Variants in MYO9A observed in about 807,000 individuals in gnomAD.
MYO9A encodes unconventional myosin-IXa.
MYO9A carries 103 observed loss-of-function variants against 293.3 expected under a neutral mutation model. The observed-to-expected ratio is 0.35, with a 90% CI of 0.30 to 0.41. The LOEUF (loss-of-function observed/expected upper bound fraction) is 0.41. Among genes scored for constraint, MYO9A ranks in the 10% least tolerant of loss-of-function variants. The pLI, the probability that MYO9A is intolerant of heterozygous loss-of-function variation, is 1.00. For synonymous variants in MYO9A, 1,001 were observed against 1,035.7 expected, an observed-to-expected ratio of 0.97 and a Z score of 0.64; for missense variants, 2,685 against 3,033.0, an observed-to-expected ratio of 0.89 and a Z score of 2.69.
intron 1 of MYO9A, among the ~76,000 whole-genome samples, chr15:72,091,176 A>C (rs1424832274): frequency 6.6e-6 from 1 of 151,336 alleles, no homozygotes; most frequent in Admixed American, 6.6e-5. Flanking sequence ...CACAGCCTGC[A>C]TAACAGAGTA....
At chr15:72,105,333 C>G (rs1226777555) in intron 1 of MYO9A, among the ~76,000 whole-genome samples, 1 of 151,950 alleles carries the variant, frequency 6.6e-6, no homozygotes, top group Non-Finnish European at 1.5e-5. Flanking sequence ...AAGTGATCCT[C>G]CCATGTCAGC....
intron 1 of MYO9A, among the ~76,000 whole-genome samples, chr15:72,057,682 T>C (rs1402905421): frequency 1.3e-5 from 2 of 152,236 alleles, no homozygotes; most frequent in African/African-American, 2.4e-5. Flanking sequence ...CCAGGGCCGC[T>C]AAGCTAGAAA....
chr15:71,918,782 T>G (rs1453992525), intron 18 of MYO9A, among the ~76,000 whole-genome samples: 1 of 152,212 alleles, frequency 6.6e-6, no homozygotes, highest in Non-Finnish European at 1.5e-5. Flanking sequence ...TAAATTGTTT[T>G]TCACTATGAA....
At chr15:71,865,155 T>C (rs545249758) in intron 32 of MYO9A, among the ~76,000 whole-genome samples, 7 of 152,208 alleles carry the variant, frequency 4.6e-5, no homozygotes, top group Non-Finnish European at 1.0e-4. Context: ...CTGACCTCAT[T>C]AGAAAACTTG....
At chr15:72,038,942 C>T (rs1232834125) in intron 2 of MYO9A, among the ~76,000 whole-genome samples, 1 of 151,840 alleles carries the variant, frequency 6.6e-6, no homozygotes, top group African/African-American at 2.4e-5. Context: ...AAAATATATA[C>T]ATAATCTATA....
At chr15:71,841,072 A>G (rs939852479) in intron 39 of MYO9A, among the ~76,000 whole-genome samples, 4 of 152,256 alleles carry the variant, frequency 2.6e-5, no homozygotes, top group Admixed American at 6.5e-5. Flanking sequence ...GATTGTTTGC[A>G]TAAGTAAAAT....
At chr15:71,933,249 A>T (rs938805229) in intron 18 of MYO9A, among the ~76,000 whole-genome samples, 1 of 152,190 alleles carries the variant, frequency 6.6e-6, no homozygotes, top group African/African-American at 2.4e-5. Flanking sequence ...CATAAGCCTG[A>T]AAAGACAATG....
At position 71,825,120 on chromosome 15, in the gene MYO9A, A is replaced by AT. The variant is rs200286105; in HGVS notation, c.*1459dup. The AT allele has an allele frequency of 5.9e-5, 9 of 152,214 alleles. No individual in the cohort carries two copies. Among genetic ancestry groups the AT allele is most frequent in the African/African-American group, 9.6e-5 (4 of 41,456 alleles). The allele number at this position is 152,214 out of a possible 1,614,324, so 9.4% of individuals were successfully genotyped here. A position where few individuals can be genotyped will look rare whatever the true frequency, so the allele number is the denominator to read the frequency against. On this transcript the variant is annotated 3_prime_UTR_variant, in exon 42 of 42. Coordinates refer to ENST00000356056, the MANE Select transcript of MYO9A (RefSeq NM_006901.4). ...ATCTCAAGAAAGGCTATCATGTTTC[A>AT]TTTTTTATATATTATAAATAGCAAA...
intron 1 of MYO9A, among the ~76,000 whole-genome samples, chr15:72,077,024 T>C (rs1321889655): frequency 1.2e-5 from 1 of 82,750 alleles, no homozygotes; most frequent in Non-Finnish European, 3.1e-5. Flanking sequence ...GACAACTACA[T>C]CCAAAAAAAA....
chr15:71,989,643 C>A (rs1163564229), intron 11 of MYO9A, among the ~76,000 whole-genome samples: 1 of 152,038 alleles, frequency 6.6e-6, no homozygotes, highest in Non-Finnish European at 1.5e-5. Flanking sequence ...TTTCCAAACC[C>A]CTGTGTGAAA....
At chr15:71,902,182 C>A (rs2057505176) in intron 22 of MYO9A, among the ~76,000 whole-genome samples, 1 of 151,756 alleles carries the variant, frequency 6.6e-6, no homozygotes, top group African/African-American at 2.4e-5. Context: ...TAAAGGCATG[C>A]ACAGGAGACA....
intron 1 of MYO9A, among the ~76,000 whole-genome samples, chr15:72,091,004 A>T (rs745750805): frequency 8.8e-5 from 13 of 147,544 alleles, no homozygotes; most frequent in Non-Finnish European, 1.5e-4. Context: ...AAAAAATAAA[A>T]AAATAAAAAA....
chr15:72,014,539 A>G (rs1359698883), intron 6 of MYO9A, among the ~76,000 whole-genome samples: 1 of 152,094 alleles, frequency 6.6e-6, no homozygotes, highest in East Asian at 1.9e-4. Flanking sequence ...TACAAAAATT[A>G]GCCAGGCGTG....
intron 15 of MYO9A, among the ~76,000 whole-genome samples, chr15:71,940,080 T>C (rs540442373): frequency 7.5e-4 from 114 of 152,080 alleles, no homozygotes; most frequent in African/African-American, 2.6e-3. Context: ...AAAAAATACA[T>C]GTAAGTGCTT....
chr15:72,091,451 T>C (rs903529099), intron 1 of MYO9A, among the ~76,000 whole-genome samples: 3 of 152,210 alleles, frequency 2.0e-5, no homozygotes, highest in African/African-American at 7.2e-5. Flanking sequence ...GTAGAAATCC[T>C]TAAGACTACA....
chr15:71,941,454 A>G (rs898252401), intron 15 of MYO9A, among the ~76,000 whole-genome samples: 1 of 152,158 alleles, frequency 6.6e-6, no homozygotes, highest in African/African-American at 2.4e-5. Context: ...AACAACAACA[A>G]CAACAAACCC....
At chr15:72,090,592 T>A (rs1036371494) in intron 1 of MYO9A, among the ~76,000 whole-genome samples, 2 of 152,188 alleles carry the variant, frequency 1.3e-5, no homozygotes, top group African/African-American at 4.8e-5. Flanking sequence ...CCTAGGGGAC[T>A]CTCATATAAG....
In MYO9A at chr15:71,825,985, G is replaced by C. The variant is rs562761200; in HGVS notation, c.*595C>G. ...TGATGGCTTAATGGAAACAATCACGGTTTTTTTTTGTTTTTTTTTTTTTGT... is the reference window on the plus strand; with the variant it reads ...TGATGGCTTAATGGAAACAATCACGCTTTTTTTTTGTTTTTTTTTTTTTGT... On this transcript the variant is annotated 3_prime_UTR_variant, in exon 42 of 42. Transcript: ENST00000356056. 1.1e-4 allele frequency: 13 copies of C among 117,724 alleles called. No individual in the cohort carries two copies. Among genetic ancestry groups the C allele is most frequent in the African/African-American group, 4.2e-4 (13 of 30,818 alleles). The allele number at this position is 117,724 out of a possible 1,614,324, so 7.3% of individuals were successfully genotyped here. A position where few individuals can be genotyped will look rare whatever the true frequency, so the allele number is the denominator to read the frequency against.
intron 19 of MYO9A, among the ~76,000 whole-genome samples, chr15:71,907,354 T>G (rs1439595957): frequency 7.0e-6 from 1 of 142,446 alleles, no homozygotes; most frequent in African/African-American, 2.6e-5. Context: ...TGTTGGACAT[T>G]TGGGTTGGTT....
Sources: gnomAD v4.1 joint callset for allele counts (sites outside exome capture counted in the v4.1 genomes callset) on GRCh38, gnomAD v4.1.1 for gene constraint, MANE v1.5 for transcripts, NCBI Gene and HGNC (gene_info 2026-07-23, HGNC 2026-07-21) for gene names.